Variants in RAB3GAP2 observed in about 807,000 individuals in gnomAD.
The protein encoded by RAB3GAP2 is rab3 GTPase-activating protein non-catalytic subunit.
RAB3GAP2 carries 87 observed loss-of-function variants against 185.3 expected under a neutral mutation model. That is an observed-to-expected ratio of 0.47 (90% confidence interval 0.39 to 0.56). The LOEUF (loss-of-function observed/expected upper bound fraction) is 0.56. RAB3GAP2 is among the 20% of genes least tolerant of loss of function. The pLI is 0.00. For missense variants in RAB3GAP2, 1,492 were observed against 1,638.2 expected, an observed-to-expected ratio of 0.91 and a Z score of 1.54; for synonymous variants, 554 against 576.1, an observed-to-expected ratio of 0.96 and a Z score of 0.55.
chr1:220,236,732 C>A (rs1255027442), intron 1 of RAB3GAP2, among the ~76,000 whole-genome samples: 1 of 151,546 alleles, frequency 6.6e-6, no homozygotes, highest in East Asian at 1.9e-4. Flanking sequence ...ATAAAATTGC[C>A]ATTCATGTAA....
At chr1:220,259,834 T>C (rs753516760) in intron 1 of RAB3GAP2, among the ~76,000 whole-genome samples, 6 of 152,046 alleles carry the variant, frequency 3.9e-5, no homozygotes, top group Non-Finnish European at 8.8e-5. Flanking sequence ...TTGCAATCTA[T>C]CCATCTGACA....
At chr1:220,200,673 G>C (rs780360939) in intron 9 of RAB3GAP2, 1 of 507,574 alleles carries the variant, frequency 2.0e-6, no homozygotes, top group Non-Finnish European at 4.0e-6. Flanking sequence ...TTAACACTTT[G>C]GAATTTTGCA....
chr1:220,234,057 C>T (rs1439176778), intron 1 of RAB3GAP2, among the ~76,000 whole-genome samples: 2 of 152,190 alleles, frequency 1.3e-5, no homozygotes, highest in Non-Finnish European at 2.9e-5. Flanking sequence ...CTAGCACTTA[C>T]TGTCTCTGTG....
chr1:220,209,924 A>G (rs1659047480), intron 7 of RAB3GAP2, among the ~76,000 whole-genome samples: 1 of 152,232 alleles, frequency 6.6e-6, no homozygotes, highest in Admixed American at 6.5e-5. Context: ...GAAATCTTCA[A>G]TGAATATATG....
At chr1:220,258,362 C>A (rs539900583) in intron 1 of RAB3GAP2, among the ~76,000 whole-genome samples, 1 of 152,286 alleles carries the variant, frequency 6.6e-6, no homozygotes, top group African/African-American at 2.4e-5. Context: ...TTGAATCCAG[C>A]ATCACCTCAA....
At chr1:220,216,977 T>C (rs967638464) in intron 2 of RAB3GAP2, among the ~76,000 whole-genome samples, 18 of 152,134 alleles carry the variant, frequency 1.2e-4, no homozygotes, top group Non-Finnish European at 2.6e-4. Flanking sequence ...CTGATGTTTA[T>C]GTGCACAGAA....
intron 2 of RAB3GAP2, among the ~76,000 whole-genome samples, chr1:220,226,517 C>T (rs1222721190): frequency 6.6e-6 from 1 of 151,680 alleles, no homozygotes; most frequent in Non-Finnish European, 1.5e-5. Flanking sequence ...TTTCCAATGT[C>T]CCCAAGCCAG....
At chr1:220,156,130 T>C (rs1277755805) in intron 31 of RAB3GAP2, among the ~76,000 whole-genome samples, 2 of 152,040 alleles carry the variant, frequency 1.3e-5, no homozygotes, top group Admixed American at 1.3e-4. Context: ...TTTGTGTTTT[T>C]ACTAGTGACA....
At chr1:220,197,105 G>A (rs1196417825) in intron 9 of RAB3GAP2, among the ~76,000 whole-genome samples, 1 of 151,624 alleles carries the variant, frequency 6.6e-6, no homozygotes, top group Non-Finnish European at 1.5e-5. Context: ...TCTTGCCTCA[G>A]CCTCCCCGAA....
In RAB3GAP2 at chr1:220,182,872, T is replaced by C. The variant is rs2102865456; in HGVS notation, c.2058A>G (p.Leu686=). The change falls in exon 20 of 35, where the codon CTA becomes CTG. Residue 686 remains leucine (L), a synonymous_variant. Coordinates refer to ENST00000358951, the MANE Select transcript of RAB3GAP2 (RefSeq NM_012414.4). Reference sequence around the variant, plus strand: ...TGGTGTTCTCTTGCTTATATTTCTCTAGTAATGCCTGGAGCTTAAGCAGTT... The same window carrying C: ...TGGTGTTCTCTTGCTTATATTTCTCCAGTAATGCCTGGAGCTTAAGCAGTT... The part of the protein sequence containing the change: ...EKELLKLQAL[L]EKYKQENTRT... The C allele has an allele frequency of 6.2e-7, 1 of 1,613,630 alleles. No individual in the cohort carries two copies. The highest frequency in any genetic ancestry group is 8.5e-7 in the Non-Finnish European group (1 of 1,179,746).
intron 1 of RAB3GAP2, among the ~76,000 whole-genome samples, chr1:220,240,939 AT>A (rs1357672600): frequency 6.6e-6 from 1 of 152,050 alleles, no homozygotes; most frequent in Admixed American, 6.5e-5. Flanking sequence ...TCTGAAGAGA[AT>A]TTTTTCCTTG....
intron 12 of RAB3GAP2, 86 bp from the exon 13 acceptor site, chr1:220,193,465 G>T: frequency 7.7e-7 from 1 of 1,292,344 alleles, no homozygotes; most frequent in Non-Finnish European, 1.1e-6. Flanking sequence ...AAATGAAATA[G>T]GCTGAATCTG....
chr1:220,243,308 C>T (rs973029135), intron 1 of RAB3GAP2, among the ~76,000 whole-genome samples: 6 of 148,414 alleles, frequency 4.0e-5, no homozygotes, highest in Admixed American at 1.4e-4. Flanking sequence ...AAGCCGAGAT[C>T]GTGCCACTGC....
intron 18 of RAB3GAP2, among the ~76,000 whole-genome samples, chr1:220,184,895 C>G (rs796596270): frequency 3.3e-5 from 5 of 151,290 alleles, no homozygotes; most frequent in African/African-American, 1.2e-4. Context: ...TTTTATGTAT[C>G]TGTTAAAAAA....
intron 31 of RAB3GAP2, 115 bp downstream of exon 31, chr1:220,157,155 A>G: frequency 1.1e-6 from 1 of 915,966 alleles, no homozygotes; most frequent in East Asian, 2.6e-5. Flanking sequence ...TTGGAACCTC[A>G]CACCAAATTA....
At chr1:220,172,189 AATCT>A in intron 22 of RAB3GAP2, 140 bp from the exon 23 acceptor site, 1 of 805,164 alleles carries the variant, frequency 1.2e-6, no homozygotes, top group Non-Finnish European at 2.1e-6. Flanking sequence ...GAAGTCTAAC[AATCT>A]ATTTTATTCA....
In RAB3GAP2 at chr1:220,189,705, G is replaced by GT. The variant is rs1324802115; in HGVS notation, c.1776dup (p.Gln593ThrfsTer10). The GT allele has an allele frequency of 1.9e-6, 3 of 1,562,354 alleles. No homozygotes were observed. The highest frequency in any genetic ancestry group is 2.6e-6 in the Non-Finnish European group (3 of 1,142,036). On this transcript the variant is annotated frameshift_variant, in exon 17 of 35. Transcript: ENST00000358951. LOFTEE classifies it high-confidence loss of function. Reference sequence around the variant, plus strand: ...GTTCGTGTATTATATACACTTACTTGTTTTTTGGTTGCAGGGTATTTAATA... The same window carrying GT: ...GTTCGTGTATTATATACACTTACTTGTTTTTTTGGTTGCAGGGTATTTAATA...
At chr1:220,234,725 G>A (rs1169139420) in intron 1 of RAB3GAP2, among the ~76,000 whole-genome samples, 1 of 152,134 alleles carries the variant, frequency 6.6e-6, no homozygotes, top group African/African-American at 2.4e-5. Context: ...GGTGAGTGCA[G>A]TAATGGACTA....
intron 21 of RAB3GAP2, among the ~76,000 whole-genome samples, chr1:220,174,987 A>C (rs1658260125): frequency 6.6e-6 from 1 of 152,244 alleles, no homozygotes; most frequent in Non-Finnish European, 1.5e-5. Flanking sequence ...GTAGGCTGAA[A>C]AAATTGGTTG....
Sources: allele counts gnomAD v4.1 joint callset (sites outside exome capture counted in the v4.1 genomes callset), GRCh38; gene constraint gnomAD v4.1.1; transcripts MANE v1.5; gene names NCBI Gene and HGNC (gene_info 2026-07-23, HGNC 2026-07-21).